The following HEMK2 variants were observed in gnomAD, a reference collection of about 807,000 sequenced individuals.
HEMK2 encodes methyltransferase HEMK2.
the HEMK2 span, among the ~76,000 whole-genome samples, chr21:28,679,015 T>A: frequency 2.6e-5 from 4 of 152,196 alleles, no homozygotes; most frequent in Admixed American, 2.6e-4. Context: ...GCTAACATCA[T>A]AATGGCAGGA....
the HEMK2 span, among the ~76,000 whole-genome samples, chr21:28,648,945 C>A: frequency 2.2e-5 from 3 of 136,616 alleles, no homozygotes; most frequent in African/African-American, 9.0e-5. Flanking sequence ...CTCCCCCCAC[C>A]CCACAACAGG....
the HEMK2 span, among the ~76,000 whole-genome samples, chr21:28,768,605 G>A: frequency 6.6e-6 from 1 of 152,006 alleles, no homozygotes; most frequent in Non-Finnish European, 1.5e-5. Context: ...GAACAAGAAG[G>A]AAGAGGCAGA....
chr21:28,769,009 G>T, the HEMK2 span, among the ~76,000 whole-genome samples: 2 of 151,934 alleles, frequency 1.3e-5, no homozygotes, highest in African/African-American at 4.8e-5. Context: ...CTTAATCTTG[G>T]ACTTCTAGCC....
the HEMK2 span, among the ~76,000 whole-genome samples, chr21:28,624,443 G>A: frequency 4.0e-4 from 61 of 152,282 alleles, no homozygotes; most frequent in African/African-American, 1.4e-3. Context: ...AAGGTTAAGA[G>A]AATGAGGATA....
chr21:28,811,270 GAGAA>G, the HEMK2 span, among the ~76,000 whole-genome samples: 114 of 123,736 alleles, frequency 9.2e-4, 1 homozygote, highest in East Asian at 0.028. Flanking sequence ...AAGAAAGAAA[GAGAA>G]AGAAAGAAAA....
the HEMK2 span, among the ~76,000 whole-genome samples, chr21:28,677,898 C>T: frequency 1.4e-5 from 2 of 145,260 alleles, no homozygotes; most frequent in South Asian, 2.2e-4. Context: ...CCCATCTGTA[C>T]GTCACCATCA....
the HEMK2 span, among the ~76,000 whole-genome samples, chr21:28,711,860 T>C: frequency 2.0e-5 from 3 of 152,134 alleles, no homozygotes; most frequent in African/African-American, 4.8e-5. Context: ...TTTCGAGCTC[T>C]GGTGAGAGCC....
At chr21:28,588,120 T>C in the HEMK2 span, among the ~76,000 whole-genome samples, 1 of 152,208 alleles carries the variant, frequency 6.6e-6, no homozygotes, top group African/African-American at 2.4e-5. Context: ...TTCTTAGATC[T>C]TTTAAAGGTA....
chr21:28,594,415 T>C, the HEMK2 span, among the ~76,000 whole-genome samples: 1 of 152,210 alleles, frequency 6.6e-6, no homozygotes, highest in Non-Finnish European at 1.5e-5. Context: ...AGATTAACAA[T>C]AAGGGAAACT....
At chr21:28,836,985 T>A in the HEMK2 span, among the ~76,000 whole-genome samples, 1 of 152,274 alleles carries the variant, frequency 6.6e-6, no homozygotes, top group South Asian at 2.1e-4. Flanking sequence ...AAACCCTAAA[T>A]ACCACAATCA....
the HEMK2 span, among the ~76,000 whole-genome samples, chr21:28,615,967 G>GA: frequency 9.3e-5 from 14 of 151,210 alleles, no homozygotes; most frequent in African/African-American, 2.9e-4. Flanking sequence ...ATAACAAGAA[G>GA]AAAAAAATAA....
the HEMK2 span, among the ~76,000 whole-genome samples, chr21:28,870,904 TG>T: frequency 1.8e-4 from 28 of 152,188 alleles, no homozygotes; most frequent in Non-Finnish European, 1.3e-4. Context: ...AAACATCCCA[TG>T]GGTGCTTGAG....
At chr21:28,649,113 C>T in the HEMK2 span, among the ~76,000 whole-genome samples, 2 of 152,090 alleles carry the variant, frequency 1.3e-5, no homozygotes, top group African/African-American at 4.8e-5. Context: ...AAGGACATGA[C>T]TGTGTTTTCT....
At chr21:28,644,521 CA>C in the HEMK2 span, among the ~76,000 whole-genome samples, 1 of 152,194 alleles carries the variant, frequency 6.6e-6, no homozygotes, top group African/African-American at 2.4e-5. Flanking sequence ...GTCTGGTAAA[CA>C]ATCAGCTCAT....
the HEMK2 span, among the ~76,000 whole-genome samples, chr21:28,809,232 G>A: frequency 6.6e-6 from 1 of 152,124 alleles, no homozygotes; most frequent in African/African-American, 2.4e-5. Flanking sequence ...AAAGATAGAG[G>A]CATAAAGTAA....
chr21:28,594,493 A>G, the HEMK2 span, among the ~76,000 whole-genome samples: 1 of 152,204 alleles, frequency 6.6e-6, no homozygotes, highest in Non-Finnish European at 1.5e-5. Context: ...AACTATTTAA[A>G]ATAAAAAATT....
At chr21:28,615,431 C>T in the HEMK2 span, among the ~76,000 whole-genome samples, 1 of 151,352 alleles carries the variant, frequency 6.6e-6, no homozygotes, top group African/African-American at 2.4e-5. Context: ...CCCCACAAAC[C>T]CCCACCTCCG....
At chr21:28,589,760 T>C in the HEMK2 span, among the ~76,000 whole-genome samples, 2 of 152,188 alleles carry the variant, frequency 1.3e-5, no homozygotes, top group Non-Finnish European at 2.9e-5. Flanking sequence ...TTTAGATATG[T>C]ATGTATAGGT....
At chr21:28,584,465 A>G in the HEMK2 span, among the ~76,000 whole-genome samples, 180 of 152,326 alleles carry the variant, frequency 1.2e-3, no homozygotes, top group African/African-American at 4.1e-3. Flanking sequence ...CCAGTTGAAG[A>G]AGTTCTGTTT....
Sources: allele counts gnomAD v4.1 joint callset (sites outside exome capture counted in the v4.1 genomes callset), GRCh38; gene constraint gnomAD v4.1.1; transcripts MANE v1.5; gene names NCBI Gene and HGNC (gene_info 2026-07-23, HGNC 2026-07-21).